Variants in TGFBRAP1 observed in about 807,000 individuals in gnomAD.
TGFBRAP1 encodes the protein transforming growth factor-beta receptor-associated protein 1.
Under a neutral mutation model 83.2 loss-of-function variants are expected in TGFBRAP1, and 20 were observed. The observed-to-expected ratio is 0.24, with a 90% CI of 0.17 to 0.35. The LOEUF (loss-of-function observed/expected upper bound fraction) is 0.35, where lower values mean the gene tolerates loss of function less well. Among genes scored for constraint, TGFBRAP1 ranks in the 10% least tolerant of loss-of-function variants. The pLI is 1.00. For missense variants in TGFBRAP1, 950 were observed against 1,099.4 expected (o/e 0.86, Z 1.92); for synonymous variants, 415 against 459.8 (o/e 0.90, Z 1.25).
At chr2:105,302,538 T>C (rs993384794) in intron 2 of TGFBRAP1, among the ~76,000 whole-genome samples, 1 of 149,704 alleles carries the variant, frequency 6.7e-6, no homozygotes, top group Non-Finnish European at 1.5e-5. Flanking sequence ...GTATATTAAG[T>C]AAAAAAAAAA....
chr2:105,322,480 T>C (rs1185519416), intron 1 of TGFBRAP1, among the ~76,000 whole-genome samples: 8 of 152,214 alleles, frequency 5.3e-5, no homozygotes, highest in Non-Finnish European at 4.4e-5. Context: ...CTTCCAGTCC[T>C]GCGAGCTCCA....
intron 1 of TGFBRAP1, among the ~76,000 whole-genome samples, chr2:105,313,061 G>C (rs1322420197): frequency 2.6e-5 from 4 of 152,028 alleles, no homozygotes; most frequent in Non-Finnish European, 4.4e-5. Flanking sequence ...GCAGTGAGCA[G>C]AGATCGCGCC....
Position 105,265,904 on chromosome 2 carries a change from G to A in TGFBRAP1, c.*1479C>T, listed in dbSNP as rs1238262322. 1 of 152,200 alleles carries A rather than the reference G, an allele frequency of 6.6e-6. No individual in the cohort carries two copies. Among genetic ancestry groups the A allele is most frequent in the Non-Finnish European group, 1.5e-5 (1 of 68,044 alleles). The allele number at this position is 152,200 out of a possible 1,614,324, so 9.4% of individuals were successfully genotyped here. ...ACATGTTTTAAAGAACAGAGAATGA[G>A]GTCTTCATCCCACCTCAGTAAGGCT... is the stretch of plus-strand genomic sequence containing the variant. On this transcript the variant is annotated 3_prime_UTR_variant, in exon 12 of 12. Coordinates refer to ENST00000393359, the MANE Select transcript of TGFBRAP1 (RefSeq NM_004257.6).
chr2:105,272,944 C>T lies in TGFBRAP1; in HGVS notation c.1883G>A (p.Ser628Asn), dbSNP rs762977141. The part of the protein sequence containing the change: ...EEVLLQRASA[S>N]GKGAEATETQ... ...CTCGGTGGCCTCTGCACCCTTGCCA[C>T]TGGCGGAGGCCCTCTGCAGCAGCAC... Residue 628 changes from serine (S) to asparagine (N), a missense_variant, in exon 10 of 12, where the codon AGT becomes AAT. By Grantham distance (46) the Ser-to-Asn change is conservative. Transcript: ENST00000393359. 6.2e-7 allele frequency: 1 copy of T among 1,612,688 alleles called. No individual in the cohort carries two copies. Among genetic ancestry groups the T allele is most frequent in the Admixed American group, 1.7e-5 (1 of 60,006 alleles).
intron 2 of TGFBRAP1, among the ~76,000 whole-genome samples, chr2:105,303,333 A>C (rs1573201497): frequency 6.6e-6 from 1 of 152,342 alleles, no homozygotes; most frequent in East Asian, 1.9e-4. Flanking sequence ...GCCTAGAAAC[A>C]ATGAGCAGTA....
the TGFBRAP1 span, among the ~76,000 whole-genome samples, chr2:105,251,629 C>T: frequency 1.3e-5 from 2 of 152,200 alleles, no homozygotes; most frequent in Non-Finnish European, 1.5e-5. Context: ...GGCCGCCACC[C>T]CGTCTGGGAG....
intron 4 of TGFBRAP1, among the ~76,000 whole-genome samples, chr2:105,285,177 C>T (rs924196724): frequency 1.3e-5 from 2 of 152,214 alleles, no homozygotes; most frequent in African/African-American, 4.8e-5. Context: ...GCTCTAATCG[C>T]CTCATGAGTA....
the TGFBRAP1 span, among the ~76,000 whole-genome samples, chr2:105,256,712 G>A: frequency 6.6e-6 from 1 of 152,168 alleles, no homozygotes; most frequent in African/African-American, 2.4e-5. Flanking sequence ...CTGAACCAGA[G>A]CACTCCATCT....
intron 5 of TGFBRAP1, among the ~76,000 whole-genome samples, chr2:105,283,760 C>T (rs954935761): frequency 3.9e-5 from 6 of 152,188 alleles, no homozygotes; most frequent in African/African-American, 1.4e-4. Context: ...ATCAACAGCC[C>T]ACAAGCACAT....
In TGFBRAP1 at chr2:105,266,096, C is replaced by T. The variant is rs1676922381; in HGVS notation, c.*1287G>A. ...TCCAAAGAGGGCAGTGAAGTGACAA[C>T]AGCTTCAGCTCGTCATCGATGTTAT... is the stretch of plus-strand genomic sequence containing the variant. On this transcript the variant is annotated 3_prime_UTR_variant, in exon 12 of 12. Coordinates refer to ENST00000393359, the MANE Select transcript of TGFBRAP1 (RefSeq NM_004257.6). 6.6e-6 allele frequency: 1 copy of T among 152,256 alleles called. No homozygotes were observed. Among genetic ancestry groups the T allele is most frequent in the Non-Finnish European group, 1.5e-5 (1 of 68,062 alleles). 9.4% of individuals were successfully genotyped at this position (152,256 alleles called of 1,614,324 possible).
At chr2:105,281,939 A>G (rs1235652961) in intron 5 of TGFBRAP1, among the ~76,000 whole-genome samples, 1 of 152,068 alleles carries the variant, frequency 6.6e-6, no homozygotes, top group Non-Finnish European at 1.5e-5. Context: ...ACACCCTGTA[A>G]TGCACAAGAC....
At chr2:105,279,272 T>A (rs1573169562) in intron 6 of TGFBRAP1, among the ~76,000 whole-genome samples, 1 of 151,892 alleles carries the variant, frequency 6.6e-6, no homozygotes, top group Non-Finnish European at 1.5e-5. Flanking sequence ...GTTTTTTGTT[T>A]TTTTGAGACA....
downstream of TGFBRAP1, among the ~76,000 whole-genome samples, chr2:105,264,030 C>T (rs2438085): frequency 0.15 from 23,498 of 152,244 alleles, 2,280 homozygotes; most frequent in South Asian, 0.24. Context: ...CTGCCATCAA[C>T]AACAGTGTAG....
Position 105,273,617 on chromosome 2 carries a change from A to G in TGFBRAP1, c.1739T>C (p.Ile580Thr), listed in dbSNP as rs532955055. Residue 580 changes from isoleucine (I) to threonine (T), a missense_variant, in exon 9 of 12, where the codon ATC (isoleucine) becomes ACC (threonine). Transcript: ENST00000393359. Reference sequence around the variant, plus strand: ...TTTAGGGTATTTTTTAAGGCAATTGATAATGTCGTCTGGATTAAAACTGTT... The same window carrying G: ...TTTAGGGTATTTTTTAAGGCAATTGGTAATGTCGTCTGGATTAAAACTGTT... ...QKNSFNPDDI[I>T]NCLKKYPKAL... 1 of 1,614,234 alleles carries G rather than the reference A, an allele frequency of 6.2e-7. No homozygotes were observed. Among genetic ancestry groups the G allele is most frequent in the Admixed American group, 1.7e-5 (1 of 60,018 alleles).
chr2:105,300,564 G>A (rs935923079), intron 2 of TGFBRAP1, among the ~76,000 whole-genome samples: 2 of 151,176 alleles, frequency 1.3e-5, no homozygotes, highest in African/African-American at 4.9e-5. Flanking sequence ...AGGCTCCTGA[G>A]TAGCTGGGAT....
chr2:105,280,567 G>A lies in TGFBRAP1; in HGVS notation c.1278C>T (p.Arg426=), dbSNP rs779324245. 6.2e-6 allele frequency: 10 copies of A among 1,614,152 alleles called. No individual in the cohort carries two copies. In the South Asian group the frequency reaches 1.1e-4, roughly 18 times the overall value. Residue 426 remains arginine (R), a synonymous_variant, in exon 6 of 12, where the codon CGC becomes CGT. Coordinates refer to ENST00000393359, the MANE Select transcript of TGFBRAP1 (RefSeq NM_004257.6). ...CCTCGTTCAGGTAGCTCATGAGGAA[G>A]CGTTTGCACTTGGCCATCTTCTCCT... ...GDQEKMAKCK[R]FLMSYLNEVR...
At chr2:105,301,323 GCC>G (rs1185686008) in intron 2 of TGFBRAP1, among the ~76,000 whole-genome samples, 5 of 152,182 alleles carry the variant, frequency 3.3e-5, no homozygotes, top group South Asian at 4.2e-4. Context: ...GATGGCTCAG[GCC>G]TGTAAGCCCA....
chr2:105,326,835 C>T (rs747220930), intron 1 of TGFBRAP1, among the ~76,000 whole-genome samples: 2 of 152,166 alleles, frequency 1.3e-5, no homozygotes, highest in Non-Finnish European at 2.9e-5. Context: ...TTTTCAACAG[C>T]AGTTACTTGA....
chr2:105,305,993 T>C (rs568472614), intron 2 of TGFBRAP1, among the ~76,000 whole-genome samples: 5 of 151,516 alleles, frequency 3.3e-5, no homozygotes, highest in Non-Finnish European at 7.4e-5. Context: ...AACAATCAAA[T>C]GACAACCCAC....
Sources: gnomAD v4.1 joint callset for allele counts (sites outside exome capture counted in the v4.1 genomes callset) on GRCh38, gnomAD v4.1.1 for gene constraint, MANE v1.5 for transcripts, NCBI Gene and HGNC (gene_info 2026-07-23, HGNC 2026-07-21) for gene names.